TERB1: variants seen among roughly 807,000 people sequenced by gnomAD.
TERB1 encodes telomere repeat binding bouquet formation protein 1.
TERB1 carries 63 observed loss-of-function variants against 92.3 expected under a neutral mutation model. The observed-to-expected ratio is 0.68, with a 90% CI of 0.56 to 0.84. TERB1 has a LOEUF of 0.84. TERB1 is among the 40% of genes least tolerant of loss of function. The pLI, the probability that TERB1 is intolerant of heterozygous loss-of-function variation, is 0.00. For missense variants in TERB1, 709 were observed against 843.7 expected (o/e 0.84, Z 1.98); for synonymous variants, 252 against 283.9 (o/e 0.89, Z 1.13).
chr16:66,769,892 T>C (rs2018413726), intron 14 of TERB1, 71 bp downstream of exon 14: 1 of 999,824 alleles, frequency 1.0e-6, no homozygotes, highest in South Asian at 1.6e-5. Flanking sequence ...TATTTAACAG[T>C]GTGGCATACT....
chr16:66,767,528 A>C lies in TERB1; in HGVS notation c.1685-18T>G. The C allele has an allele frequency of 8.5e-7, 1 of 1,171,728 alleles. No individual in the cohort carries two copies. The highest frequency in any genetic ancestry group is 1.2e-6 in the Non-Finnish European group (1 of 835,752). The allele number at this position is 1,171,728 out of a possible 1,614,324, so 72.6% of individuals were successfully genotyped here. On this transcript the variant is annotated intron_variant, in intron 15 of 18. Coordinates refer to ENST00000433154, the MANE Select transcript of TERB1 (RefSeq NM_001136505.2). The stretch of plus-strand genomic sequence containing the variant: ...AAATGGATCTGAAAAAAATTGCAAA[A>C]TGAAGGATTTTTGGATTAATGAAAA...
In TERB1 at chr16:66,772,617, A is replaced by T. The variant is rs1205164306; in HGVS notation, c.1244T>A (p.Ile415Lys). Residue 415 changes from isoleucine to lysine, a missense_variant, in exon 13 of 19, where the codon ATA becomes AAA. Transcript: ENST00000433154. ...WRKAKEILHR[I>K]EQLEREGNEE... ...ATTTCCTTCTCTTTCAAGCTGTTCT[A>T]TTCTGTGTAGAATTTCCTTTGCTTT... 1.3e-6 allele frequency: 2 copies of T among 1,551,626 alleles called. No homozygotes were observed. The highest frequency in any genetic ancestry group is 2.4e-5 in the South Asian group (2 of 83,896).
At chr16:66,767,533 G>GCAAA in intron 15 of TERB1, 23 bp from the exon 16 acceptor site, 1 of 985,476 alleles carries the variant, frequency 1.0e-6, no homozygotes, top group Non-Finnish European at 1.5e-6. Flanking sequence ...GCAAAATGAA[G>GCAAA]GATTTTTGGA....
At chr16:66,775,402 G>A (rs1289818596) in intron 11 of TERB1, among the ~76,000 whole-genome samples, 159 bp from the exon 12 acceptor site, 2 of 152,146 alleles carry the variant, frequency 1.3e-5, no homozygotes, top group East Asian at 3.9e-4. Flanking sequence ...GGGAGGCTGA[G>A]ATGGGTGGAT....
intron 3 of TERB1, among the ~76,000 whole-genome samples, chr16:66,791,220 GTTCT>G (rs1378939943): frequency 3.3e-5 from 5 of 151,642 alleles, no homozygotes; most frequent in African/African-American, 1.2e-4. Flanking sequence ...ACATCTTATA[GTTCT>G]TTGAGTTTCC....
At chr16:66,771,491 CTT>C (rs2018450160) in intron 13 of TERB1, among the ~76,000 whole-genome samples, 1 of 152,214 alleles carries the variant, frequency 6.6e-6, no homozygotes, top group Non-Finnish European at 1.5e-5. Context: ...CTTGCCTAAA[CTT>C]TCCCTAAAGT....
chr16:66,786,928 T>C (rs1184380230), intron 6 of TERB1, among the ~76,000 whole-genome samples: 1 of 152,130 alleles, frequency 6.6e-6, no homozygotes, highest in African/African-American at 2.4e-5. Context: ...CCACCCAGAC[T>C]TCCCCCTCTA....
At chr16:66,755,494 G>A (rs1036623846) in intron 18 of TERB1, among the ~76,000 whole-genome samples, 1 of 152,288 alleles carries the variant, frequency 6.6e-6, no homozygotes, top group African/African-American at 2.4e-5. Context: ...CATCTTACCG[G>A]CCAGGCACGG....
At chr16:66,790,228 GAAAAGGGAAGGGAAGGA>G (rs768392416) in intron 5 of TERB1, among the ~76,000 whole-genome samples, 10 of 143,564 alleles carry the variant, frequency 7.0e-5, no homozygotes, top group East Asian at 4.4e-4. Flanking sequence ...AAAAGACAGG[GAAAAGGGAAGGGAAGGA>G]AAAAGGGAAG....
chr16:66,773,993 C>T (rs1174174392), intron 12 of TERB1, among the ~76,000 whole-genome samples: 2 of 151,900 alleles, frequency 1.3e-5, no homozygotes, highest in African/African-American at 2.4e-5. Context: ...AATTCTTCTG[C>T]CTCAGCCTCC....
At position 66,792,953 on chromosome 16, in the gene TERB1, A is replaced by G. The variant is rs2018860565; in HGVS notation, c.32-1934T>C. 2.0e-5 allele frequency among the ~76,000 whole-genome samples: 3 copies of G among 151,966 alleles called. 1 individual carries two copies. In the South Asian group the frequency reaches 6.2e-4, roughly 32 times the overall value. ...GTGAAGGCCTAAGACATTATTGTAC[A>G]CTACTGTAGACTTTATACTACTCAA... On this transcript the variant is annotated intron_variant, in intron 3 of 18. Coordinates refer to ENST00000433154, the MANE Select transcript of TERB1 (RefSeq NM_001136505.2).
intron 9 of TERB1, among the ~76,000 whole-genome samples, chr16:66,780,841 G>T (rs1268305964): frequency 6.6e-6 from 1 of 151,954 alleles, no homozygotes; most frequent in African/African-American, 2.4e-5. Context: ...AATTTTTTTT[G>T]AATTCTAGAG....
intron 16 of TERB1, among the ~76,000 whole-genome samples, chr16:66,764,855 G>A (rs16956926): frequency 0.016 from 2,383 of 152,292 alleles, 54 homozygotes; most frequent in South Asian, 0.095. Context: ...GATACATTAA[G>A]CTTAAAGTAA....
chr16:66,801,290 G>A, intron 1 of TERB1, among the ~76,000 whole-genome samples, 178 bp downstream of exon 1: 1 of 152,206 alleles, frequency 6.6e-6, no homozygotes, highest in South Asian at 2.1e-4. Flanking sequence ...TCTAAATGGT[G>A]CATCACGTGA....
chr16:66,792,986 TTAAAATTTTATTTTATTTTA>T (rs1478355609), intron 3 of TERB1, among the ~76,000 whole-genome samples: 19 of 151,776 alleles, frequency 1.3e-4, no homozygotes, highest in East Asian at 9.7e-4. Flanking sequence ...CAATTTATTT[TTAAAATTTTATTTTATTTTA>T]TAAAATTTTA....
At chr16:66,777,401 T>A in intron 10 of TERB1, 67 bp from the exon 11 acceptor site, 1 of 990,840 alleles carries the variant, frequency 1.0e-6, no homozygotes, top group Non-Finnish European at 1.4e-6. Context: ...ATATACTATG[T>A]ATTTTTCAGA....
rs2018753360 is a variant in TERB1 at position 66,787,794 on chromosome 16, G to A, written c.400+375C>T. On this transcript the variant is annotated intron_variant, in intron 6 of 18. Coordinates refer to ENST00000433154, the MANE Select transcript of TERB1 (RefSeq NM_001136505.2). ...TTTCTTTAAATTAGTATTCCTCAGA[G>A]GTGAGGTTAAAAAAAGACACTGGGC... is the stretch of plus-strand genomic sequence containing the variant. Among the ~76,000 whole-genome samples, 4 of 152,098 alleles carry A rather than the reference G, an allele frequency of 2.6e-5. No homozygotes were observed. In the South Asian group the frequency reaches 8.3e-4, roughly 32 times the overall value.
At chr16:66,798,264 C>A (rs1567481496) in intron 2 of TERB1, among the ~76,000 whole-genome samples, 1 of 150,950 alleles carries the variant, frequency 6.6e-6, no homozygotes, top group Non-Finnish European at 1.5e-5. Context: ...ACTGCAGCTT[C>A]AAACTCCTGG....
chr16:66,778,803 C>T, intron 10 of TERB1, 60 bp downstream of exon 10: 1 of 1,336,804 alleles, frequency 7.5e-7, no homozygotes, highest in African/African-American at 1.5e-5. Flanking sequence ...TTTCAACACT[C>T]TTCATGCTAT....
Sources: allele counts gnomAD v4.1 joint callset (sites outside exome capture counted in the v4.1 genomes callset), GRCh38; gene constraint gnomAD v4.1.1; transcripts MANE v1.5; gene names NCBI Gene and HGNC (gene_info 2026-07-23, HGNC 2026-07-21).